The following TMEM182 variants were observed in gnomAD, a reference collection of about 807,000 sequenced individuals.
TMEM182 encodes transmembrane protein 182.
TMEM182 carries 20 observed loss-of-function variants against 26.8 expected under a neutral mutation model. The observed-to-expected ratio is 0.75, with a 90% CI of 0.53 to 1.09. The LOEUF is 1.09. Ranked by LOEUF, TMEM182 falls within the 50% of genes least tolerant of loss-of-function variation. The pLI is 0.00. For missense variants in TMEM182, 277 were observed against 275.5 expected, an observed-to-expected ratio of 1.01 and a Z score of -0.04; for synonymous variants, 109 against 102.2, an observed-to-expected ratio of 1.07 and a Z score of -0.40.
chr2:102,841,135 G>T (rs2104783631), intron 3 of TMEM182, among the ~76,000 whole-genome samples: 1 of 152,278 alleles, frequency 6.6e-6, no homozygotes, highest in African/African-American at 2.4e-5. Context: ...GCGGATCGGG[G>T]AGCTGGAGTG....
downstream of TMEM182, among the ~76,000 whole-genome samples, chr2:102,819,955 T>C (rs1486321843): frequency 6.6e-6 from 1 of 152,216 alleles, no homozygotes; most frequent in Non-Finnish European, 1.5e-5. Context: ...CCAGTGGCCA[T>C]GATTGTGTCT....
At position 102,840,506 on chromosome 2, in the gene TMEM182, G is replaced by A. The variant is rs1256349189; in HGVS notation, c.326-2906G>A. 3.3e-5 allele frequency among the ~76,000 whole-genome samples: 5 copies of A among 152,160 alleles called. No homozygotes were observed. In the East Asian group the frequency reaches 9.6e-4, roughly 29 times the overall value. On this transcript the variant is annotated intron_variant, in intron 3 of 3. Transcript: ENST00000486293. ...GGCAGGAACCAATGTAAACACCGGC[G>A]TTAGTGGGTCAGGTAAGTGATCCTG...
rs1681219363 is a variant in TMEM182 at position 102,782,614 on chromosome 2, C to T, written c.332-15249C>T. On this transcript the variant is annotated intron_variant, in intron 3 of 4. Coordinates refer to ENST00000412401, the MANE Select transcript of TMEM182 (RefSeq NM_144632.5). ...AGGATTTCATCTGAAGCCAAGGAAA[C>T]AAAGAAGTTAGGTCTCTCACCCAAA... Among the ~76,000 whole-genome samples the T allele has an allele frequency of 2.0e-5, 3 of 152,072 alleles. 1 individual carries two copies. In the South Asian group the frequency reaches 6.2e-4, roughly 31 times the overall value.
At chr2:102,754,084 A>G (rs2104643898) in intron 1 of TMEM182, among the ~76,000 whole-genome samples, 1 of 152,330 alleles carries the variant, frequency 6.6e-6, no homozygotes, top group Admixed American at 6.5e-5. Context: ...CATGCGGCTC[A>G]TAGGCAGTAA....
intron 3 of TMEM182, among the ~76,000 whole-genome samples, chr2:102,836,984 A>T (rs1453782272): frequency 6.6e-6 from 1 of 152,206 alleles, no homozygotes; most frequent in Non-Finnish European, 1.5e-5. Context: ...AAAACTTAGC[A>T]TTGCCTCACA....
Position 102,748,582 on chromosome 2 carries a change from T to C in TMEM182, c.-82-9807T>C, listed in dbSNP as rs144817715. On this transcript the variant is annotated intron_variant, in intron 1 of 5. Coordinates refer to the TMEM182 transcript ENST00000409173. ...TCTATTTTTTAGTCTAGGCTGGATTTAACTATGACTAAAATAAACAAAACA... is the reference window on the plus strand; with the variant it reads ...TCTATTTTTTAGTCTAGGCTGGATTCAACTATGACTAAAATAAACAAAACA... 1.5e-3 allele frequency among the ~76,000 whole-genome samples: 225 copies of C among 152,364 alleles called. 1 individual carries two copies. The highest frequency in any genetic ancestry group is 5.3e-3 in the African/African-American group (219 of 41,594).
In TMEM182 at chr2:102,826,020, T is replaced by C. The variant is rs187178326; in HGVS notation, c.326-17392T>C. Among the ~76,000 whole-genome samples, 5 of 152,352 alleles carry C rather than the reference T, an allele frequency of 3.3e-5. No individual in the cohort carries two copies. The East Asian group carries it at 7.7e-4, about 23-fold the overall frequency. ...GAGGCTACATGTTGAGTTAGTTGCA[T>C]GAATTAACAACTGAATTGCATAAAG... On this transcript the variant is annotated intron_variant, in intron 3 of 3. Coordinates refer to the TMEM182 transcript ENST00000486293.
intron 3 of TMEM182, among the ~76,000 whole-genome samples, chr2:102,782,144 A>G (rs1354413164): frequency 1.3e-5 from 2 of 152,018 alleles, no homozygotes; most frequent in Non-Finnish European, 2.9e-5. Flanking sequence ...CATCTCTACT[A>G]AAAATACAAA....
intron 3 of TMEM182, among the ~76,000 whole-genome samples, chr2:102,780,655 T>C (rs955130457): frequency 6.6e-6 from 1 of 152,198 alleles, no homozygotes; most frequent in Non-Finnish European, 1.5e-5. Flanking sequence ...ATGACCACCC[T>C]GCAGGGATGA....
intron 3 of TMEM182, among the ~76,000 whole-genome samples, chr2:102,822,685 T>G (rs1041553138): frequency 6.6e-6 from 1 of 152,162 alleles, no homozygotes; most frequent in African/African-American, 2.4e-5. Flanking sequence ...TAAAGCATTC[T>G]GAAGACCCGG....
rs1364088047 is a variant in TMEM182 at position 102,762,194 on chromosome 2, TA to T, written c.-20del. 3.1e-6 allele frequency: 5 copies of T among 1,596,386 alleles called. No individual in the cohort carries two copies. The highest frequency in any genetic ancestry group is 1.1e-5 in the South Asian group (1 of 89,098). On this transcript the variant is annotated 5_prime_UTR_variant, in exon 1 of 5. Coordinates refer to ENST00000412401, the MANE Select transcript of TMEM182 (RefSeq NM_144632.5). Reference sequence around the variant, plus strand: ...CCATTTTAAAATTTCATATTTTATTTAAAAGGAAACCAGTGAATTGAAAATG... The same window carrying T: ...CCATTTTAAAATTTCATATTTTATTTAAAGGAAACCAGTGAATTGAAAATG...
intron 3 of TMEM182, among the ~76,000 whole-genome samples, chr2:102,829,326 G>GT (rs1683104761): frequency 1.3e-5 from 2 of 152,182 alleles, no homozygotes; most frequent in African/African-American, 4.8e-5. Flanking sequence ...AACTGCATCA[G>GT]GGTGGGACAC....
At position 102,814,986 on chromosome 2, in the gene TMEM182, G is replaced by C. The variant is rs777421297; in HGVS notation, c.*18G>C. On this transcript the variant is annotated 3_prime_UTR_variant, in exon 5 of 5. Transcript: ENST00000412401. The stretch of plus-strand genomic sequence containing the variant: ...ATCACTAAATCAACTGTTGCCACAA[G>C]TATTTTCTTGAGAGATTTTAAAACA... 1 of 1,611,158 alleles carries C rather than the reference G, an allele frequency of 6.2e-7. No individual in the cohort carries two copies. The highest frequency in any genetic ancestry group is 1.3e-5 in the African/African-American group (1 of 74,664).
intron 1 of TMEM182, among the ~76,000 whole-genome samples, chr2:102,747,136 C>CT (rs1160282831): frequency 6.6e-6 from 1 of 152,058 alleles, no homozygotes; most frequent in Admixed American, 6.5e-5. Flanking sequence ...TTATTTTTTC[C>CT]TTTTTTTGGT....
At chr2:102,786,853 C>T (rs934737943) in intron 3 of TMEM182, among the ~76,000 whole-genome samples, 1 of 152,178 alleles carries the variant, frequency 6.6e-6, no homozygotes, top group Non-Finnish European at 1.5e-5. Context: ...GAGTCCCGGA[C>T]ACTCACAATC....
intron 3 of TMEM182, among the ~76,000 whole-genome samples, chr2:102,788,132 C>T (rs991452407): frequency 2.6e-5 from 4 of 152,226 alleles, no homozygotes; most frequent in South Asian, 4.1e-4. Flanking sequence ...TGGATTTGAA[C>T]TCCTGGGCTC....
intron 4 of TMEM182, among the ~76,000 whole-genome samples, chr2:102,803,332 C>T (rs750043947): frequency 1.8e-4 from 27 of 152,182 alleles, no homozygotes; most frequent in Non-Finnish European, 3.2e-4. Flanking sequence ...GAAGCACAGC[C>T]GTCTGCAGCT....
intron 2 of TMEM182, among the ~76,000 whole-genome samples, chr2:102,763,217 A>G (rs1680287817): frequency 6.6e-6 from 1 of 152,218 alleles, no homozygotes; most frequent in Non-Finnish European, 1.5e-5. Context: ...TGTTGGCACT[A>G]TCAAGAAGTG....
At chr2:102,768,832 C>T (rs1680564998) in intron 3 of TMEM182, among the ~76,000 whole-genome samples, 1 of 151,832 alleles carries the variant, frequency 6.6e-6, no homozygotes, top group African/African-American at 2.4e-5. Flanking sequence ...TTTCTTCTTT[C>T]ACCCTTATAG....
Sources: gnomAD v4.1 joint callset for allele counts (sites outside exome capture counted in the v4.1 genomes callset) on GRCh38, gnomAD v4.1.1 for gene constraint, MANE v1.5 for transcripts, NCBI Gene and HGNC (gene_info 2026-07-23, HGNC 2026-07-21) for gene names.